YPEL4: variants seen among roughly 807,000 people sequenced by gnomAD.
The protein encoded by YPEL4 is protein yippee-like 4.
Under a neutral mutation model 16.3 loss-of-function variants are expected in YPEL4, and 5 were observed. That is an observed-to-expected ratio of 0.31 (90% CI 0.16 to 0.64). The LOEUF (loss-of-function observed/expected upper bound fraction) is 0.64. Among genes scored for constraint, YPEL4 ranks in the 30% least tolerant of loss-of-function variants. YPEL4 has a pLI of 0.79. For missense variants in YPEL4, 127 were observed against 170.0 expected, an observed-to-expected ratio of 0.75 and a Z score of 1.41; for synonymous variants, 61 against 60.7, an observed-to-expected ratio of 1.00 and a Z score of -0.02.
intron 2 of YPEL4, 77 bp from the exon 3 acceptor site, chr11:57,646,871 G>C (rs1945736241): frequency 6.3e-7 from 1 of 1,599,488 alleles, no homozygotes; most frequent in African/African-American, 1.3e-5. Context: ...GGGGTGTGTA[G>C]GAGAGAGGAA....
Position 57,645,727 on chromosome 11 carries a change from C to T in YPEL4, c.*254G>A, listed in dbSNP as rs1945722626. ...TTCAGGATCTTGGGAACAGAAAGAC[C>T]CACAACCATCCCTTTCCCCCAGTTC... On this transcript the variant is annotated 3_prime_UTR_variant, in exon 5 of 5. Coordinates refer to ENST00000300022, the MANE Select transcript of YPEL4 (RefSeq NM_145008.3). 2 of 505,968 alleles carry T rather than the reference C, an allele frequency of 4.0e-6. No homozygotes were observed. Among genetic ancestry groups the T allele is most frequent in the African/African-American group, 1.9e-5 (1 of 52,448 alleles). The allele number at this position is 505,968 out of a possible 1,614,324, so 31.3% of individuals were successfully genotyped here. A position where few individuals can be genotyped will look rare whatever the true frequency, so the allele number is the denominator to read the frequency against.
chr11:57,647,099 G>T lies in YPEL4; in HGVS notation c.9C>A (p.Ser3Arg). Residue 3 changes from serine to arginine, a missense_variant, in exon 2 of 5, where the codon AGC becomes AGA. By Grantham distance (110) the Ser-to-Arg change is moderately radical. Coordinates refer to ENST00000300022, the MANE Select transcript of YPEL4 (RefSeq NM_145008.3). This position sits in a 1 kb window ranked among gnomAD's most constrained non-coding sequence, Gnocchi z 4.2. MP[S>R]CDPGPGPACL... ...AGGCAGGGCCCGGACCGGGGTCACA[G>T]CTGGGCATGACGGGCTGGAGGACAA... 1 of 1,580,356 alleles carries T rather than the reference G, an allele frequency of 6.3e-7. No individual in the cohort carries two copies. The highest frequency in any genetic ancestry group is 8.6e-7 in the Non-Finnish European group (1 of 1,166,088).
Position 57,647,131 on chromosome 11 carries a change from G to A in YPEL4, c.-24C>T. 2 of 1,543,340 alleles carry A rather than the reference G, an allele frequency of 1.3e-6. No homozygotes were observed. Among genetic ancestry groups the A allele is most frequent in the Non-Finnish European group, 8.7e-7 (1 of 1,148,878 alleles). On this transcript the variant is annotated 5_prime_UTR_variant, in exon 2 of 5. Coordinates refer to ENST00000300022, the MANE Select transcript of YPEL4 (RefSeq NM_145008.3). The surrounding 1 kb of genome is among the most constrained non-coding windows in gnomAD (Gnocchi z 4.2). ...ATGACGGGCTGGAGGACAATGCCCT[G>A]GTGGGCTGGAGGGGCTGGCGCCGTG...
intron 3 of YPEL4, 86 bp downstream of exon 3, chr11:57,646,665 G>A (rs1945733788): frequency 9.6e-6 from 15 of 1,564,090 alleles, no homozygotes; most frequent in Non-Finnish European, 1.1e-5. Flanking sequence ...AAGATCACCT[G>A]ATGGATTCCC....
At chr11:57,646,179 G>T in intron 4 of YPEL4, 109 bp from the exon 5 acceptor site, 1 of 1,559,790 alleles carries the variant, frequency 6.4e-7, no homozygotes, top group South Asian at 1.1e-5. Context: ...CCAACCCAGT[G>T]ACTAGTTCTT....
chr11:57,648,383 G>C (rs1397254754), intron 1 of YPEL4: 1 of 152,318 alleles, frequency 6.6e-6, no homozygotes, highest in Non-Finnish European at 1.5e-5. Flanking sequence ...CAGCCTCCGA[G>C]TGGCTGAAGG....
Position 57,647,089 on chromosome 11 carries a change from C to A in YPEL4, c.19G>T (p.Gly7Cys). 6.3e-7 allele frequency: 1 copy of A among 1,586,578 alleles called. No individual in the cohort carries two copies. The highest frequency in any genetic ancestry group is 8.6e-7 in the Non-Finnish European group (1 of 1,168,828). The change falls in exon 2 of 5, where the codon GGT (glycine) becomes TGT (cysteine). Residue 7 changes from glycine to cysteine, a missense_variant. By Grantham distance (159) the Gly-to-Cys change is radical. Transcript: ENST00000300022. This position sits in a 1 kb window ranked among gnomAD's most constrained non-coding sequence, Gnocchi z 4.2. Reference sequence around the variant, plus strand: ...GTGGGGAGGCAGGCAGGGCCCGGACCGGGGTCACAGCTGGGCATGACGGGC... The same window carrying A: ...GTGGGGAGGCAGGCAGGGCCCGGACAGGGGTCACAGCTGGGCATGACGGGC... The part of the protein sequence containing the change: MPSCDP[G>C]PGPACLPTKT...
At position 57,647,407 on chromosome 11, in the gene YPEL4, AC is replaced by A. The variant is rs551973712; in HGVS notation, c.-184-117del. 3.8e-5 allele frequency: 10 copies of A among 265,182 alleles called. No homozygotes were observed. Among genetic ancestry groups the A allele is most frequent in the East Asian group, 2.7e-4 (4 of 14,546 alleles). The allele number at this position is 265,182 out of a possible 1,614,324, so 16.4% of individuals were successfully genotyped here. A position where few individuals can be genotyped will look rare whatever the true frequency, so the allele number is the denominator to read the frequency against. ...ACCTCTACTTTCCCCATCACCATCG[AC>A]CCCCCCACAGCATCCAGTTGCATTG... On this transcript the variant is annotated intron_variant, in intron 1 of 4. Transcript: ENST00000300022. This position sits in a 1 kb window ranked among gnomAD's most constrained non-coding sequence, Gnocchi z 4.2.
At position 57,645,495 on chromosome 11, in the gene YPEL4, C is replaced by G. The variant is rs986416791; in HGVS notation, c.*486G>C. On this transcript the variant is annotated 3_prime_UTR_variant, in exon 5 of 5. Transcript: ENST00000300022. ...CCCTACAAATAGGGGTAGGAAACTT[C>G]ATCCTCAGAGACTCTGGTCTCCTGG... 5 of 157,894 alleles carry G rather than the reference C, an allele frequency of 3.2e-5. No individual in the cohort carries two copies. The highest frequency in any genetic ancestry group is 7.0e-5 in the Non-Finnish European group (5 of 71,160). The allele number at this position is 157,894 out of a possible 1,614,324, so 9.8% of individuals were successfully genotyped here.
chr11:57,646,093 T>C (rs1354162905), intron 4 of YPEL4, 23 bp from the exon 5 acceptor site: 16 of 1,613,628 alleles, frequency 9.9e-6, no homozygotes, highest in Non-Finnish European at 1.2e-5. Context: ...AAAGCAGTGA[T>C]TGTAGGACAA....
Position 57,645,965 on chromosome 11 carries a change from A to G in YPEL4, c.*16T>C. 1 of 1,611,690 alleles carries G rather than the reference A, an allele frequency of 6.2e-7. No individual in the cohort carries two copies. Among genetic ancestry groups the G allele is most frequent in the Non-Finnish European group, 8.5e-7 (1 of 1,178,790 alleles). On this transcript the variant is annotated 3_prime_UTR_variant, in exon 5 of 5. Coordinates refer to ENST00000300022, the MANE Select transcript of YPEL4 (RefSeq NM_145008.3). ...GGAGGGGCATGCGGAGGAAGGGCACACCCTGCCTGAGCCCCTCAGTCCCAG... is the reference window on the plus strand; with the variant it reads ...GGAGGGGCATGCGGAGGAAGGGCACGCCCTGCCTGAGCCCCTCAGTCCCAG...
In YPEL4 at chr11:57,645,804, C is replaced by T. The variant is rs1224276718; in HGVS notation, c.*177G>A. On this transcript the variant is annotated 3_prime_UTR_variant, in exon 5 of 5. Transcript: ENST00000300022. ...CTGAGCCTTAACACCCCTGGGGTAC[C>T]CCCAGACCCCTGTTCTAAAGGGTGC... 1 of 631,964 alleles carries T rather than the reference C, an allele frequency of 1.6e-6. No individual in the cohort carries two copies. The highest frequency in any genetic ancestry group is 1.8e-5 in the African/African-American group (1 of 54,358). 39.1% of individuals were successfully genotyped at this position (631,964 alleles called of 1,614,324 possible).
In YPEL4 at chr11:57,647,144, G is replaced by A; in HGVS notation, c.-37C>T. 1 of 1,521,552 alleles carries A rather than the reference G, an allele frequency of 6.6e-7. No homozygotes were observed. The highest frequency in any genetic ancestry group is 1.4e-5 in the African/African-American group (1 of 71,726). 94.3% of individuals were successfully genotyped at this position (1,521,552 alleles called of 1,614,324 possible). A position where few individuals can be genotyped will look rare whatever the true frequency, so the allele number is the denominator to read the frequency against. Reference sequence around the variant, plus strand: ...GGACAATGCCCTGGTGGGCTGGAGGGGCTGGCGCCGTGCAGCCCCCGCAGA... The same window carrying A: ...GGACAATGCCCTGGTGGGCTGGAGGAGCTGGCGCCGTGCAGCCCCCGCAGA... On this transcript the variant is annotated 5_prime_UTR_variant, in exon 2 of 5. Transcript: ENST00000300022. This position sits in a 1 kb window ranked among gnomAD's most constrained non-coding sequence, Gnocchi z 4.2.
intron 1 of YPEL4, chr11:57,648,940 C>T (rs549863794): frequency 6.6e-6 from 1 of 152,434 alleles, no homozygotes; most frequent in South Asian, 2.1e-4. Flanking sequence ...GGTCCCCAAT[C>T]CTGAGCTCCT....
At chr11:57,646,578 A>G (rs1945732529) in intron 3 of YPEL4, 173 bp from the exon 4 acceptor site, 4 of 1,225,738 alleles carry the variant, frequency 3.3e-6, no homozygotes, top group East Asian at 5.1e-5. Context: ...TATGATTTCA[A>G]TTCTCCCCCG....
rs774747011 is a variant in YPEL4, at chr11:57,646,395, C to A, written c.196G>T (p.Gly66Cys). ...AYLFNSVVNV[G>C]CGPAEQRLLL... is the part of the protein sequence containing the mutation. The stretch of plus-strand genomic sequence containing the variant: ...AGGCGCTGTTCAGCTGGCCCGCAAC[C>A]CACGTTGACCCTGTCTCAGGAAACA... Residue 66 changes from glycine (G) to cysteine (C), a missense_variant, in exon 4 of 5, where the codon GGT becomes TGT. Coordinates refer to ENST00000300022, the MANE Select transcript of YPEL4 (RefSeq NM_145008.3). The A allele has an allele frequency of 6.2e-7, 1 of 1,614,048 alleles. No individual in the cohort carries two copies. Among genetic ancestry groups the A allele is most frequent in the Non-Finnish European group, 8.5e-7 (1 of 1,180,056 alleles).
Position 57,647,224 on chromosome 11 carries a change from G to A in YPEL4, c.-117C>T. 7.2e-7 allele frequency: 1 copy of A among 1,390,934 alleles called. No individual in the cohort carries two copies. Among genetic ancestry groups the A allele is most frequent in the Non-Finnish European group, 9.5e-7 (1 of 1,056,078 alleles). 86.2% of individuals were successfully genotyped at this position (1,390,934 alleles called of 1,614,324 possible). On this transcript the variant is annotated 5_prime_UTR_variant, in exon 2 of 5. Coordinates refer to ENST00000300022, the MANE Select transcript of YPEL4 (RefSeq NM_145008.3). The surrounding 1 kb of genome is among the most constrained non-coding windows in gnomAD (Gnocchi z 4.2). ...TTGGCTAGAGCCGTGTTTCAGGGCA[G>A]GAGAAGTGTTGGGGGGCTGCCCGGC...
intron 1 of YPEL4, 129 bp downstream of exon 1, chr11:57,649,556 C>G (rs902960425): frequency 1.3e-5 from 2 of 150,940 alleles, no homozygotes; most frequent in African/African-American, 2.5e-5. Flanking sequence ...GCGGAGGCAG[C>G]GGGGAGGGGG....
intron 3 of YPEL4, 171 bp from the exon 4 acceptor site, chr11:57,646,576 C>A (rs1945732511): frequency 2.0e-5 from 24 of 1,221,122 alleles, no homozygotes; most frequent in South Asian, 7.0e-5. Context: ...GTTATGATTT[C>A]AATTCTCCCC....
Sources: gnomAD v4.1 joint callset for allele counts on GRCh38, gnomAD v4.1.1 for gene constraint, Gnocchi (gnomAD v3.1) non-coding constraint, MANE v1.5 for transcripts, NCBI Gene and HGNC (gene_info 2026-07-23, HGNC 2026-07-21) for gene names.